The following EPM2A variants were observed in gnomAD, a reference collection of about 807,000 sequenced individuals.
EPM2A encodes laforin.
EPM2A carries 21 observed loss-of-function variants against 26.5 expected under a neutral mutation model. The observed-to-expected ratio is 0.79, with a 90% CI of 0.56 to 1.14. The LOEUF is 1.14. EPM2A is among the 50% of genes most tolerant of loss of function. EPM2A has a pLI of 0.00. For missense variants in EPM2A, 458 were observed against 440.8 expected (o/e 1.04, Z -0.35); for synonymous variants, 217 against 177.6 (o/e 1.22, Z -1.76).
chr6:145,569,146 T>C (rs915296229), intron 2 of EPM2A, among the ~76,000 whole-genome samples: 2 of 152,232 alleles, frequency 1.3e-5, no homozygotes, highest in African/African-American at 4.8e-5. Context: ...CTGTCCTGAT[T>C]CCTGCAAATT....
chr6:145,429,781 G>T (rs1405963063), intron 4 of EPM2A, among the ~76,000 whole-genome samples: 1 of 152,116 alleles, frequency 6.6e-6, no homozygotes, highest in Non-Finnish European at 1.5e-5. Flanking sequence ...TTAATTGTGA[G>T]ATTTGTTTTT....
rs1210399313 is a variant in EPM2A, at chr6:145,667,495, C to A, written c.476+18627G>T. Reference sequence around the variant, plus strand: ...ATCTCACACCAGTTAGAATGGCAATCATTAAAAAGTCAGGAAACAACAGGT... The same window carrying A: ...ATCTCACACCAGTTAGAATGGCAATAATTAAAAAGTCAGGAAACAACAGGT... On this transcript the variant is annotated intron_variant, in intron 2 of 3. Coordinates refer to ENST00000367519, the MANE Select transcript of EPM2A (RefSeq NM_005670.4). 2.0e-5 allele frequency among the ~76,000 whole-genome samples: 3 copies of A among 149,702 alleles called. No individual in the cohort carries two copies. The East Asian group carries it at 5.9e-4, about 29-fold the overall frequency.
intron 4 of EPM2A, among the ~76,000 whole-genome samples, chr6:145,458,216 C>T (rs1582770969): frequency 6.6e-6 from 1 of 152,218 alleles, no homozygotes; most frequent in African/African-American, 2.4e-5. Flanking sequence ...CACCATTCCT[C>T]AGTGCCAATC....
chr6:145,552,126 T>A (rs1324502937), intron 2 of EPM2A, among the ~76,000 whole-genome samples: 2 of 151,918 alleles, frequency 1.3e-5, no homozygotes, highest in African/African-American at 2.4e-5. Flanking sequence ...CGACAAGGGC[T>A]ATAATAATGC....
intron 4 of EPM2A, among the ~76,000 whole-genome samples, chr6:145,419,261 G>C (rs2114681961): frequency 6.8e-6 from 1 of 147,872 alleles, no homozygotes; most frequent in Admixed American, 7.0e-5. Context: ...GTTTCTAACA[G>C]AAGCGTGTTA....
chr6:145,491,222 A>T, intron 4 of EPM2A: 1 of 407,746 alleles, frequency 2.5e-6, no homozygotes, highest in Non-Finnish European at 4.7e-6. Context: ...ATGGGTAGGA[A>T]CTGGTGTGCA....
intron 1 of EPM2A, among the ~76,000 whole-genome samples, chr6:145,714,574 A>G (rs755822353): frequency 1.6e-4 from 24 of 152,238 alleles, no homozygotes; most frequent in Non-Finnish European, 2.9e-4. Context: ...CCATTTTCAC[A>G]ATGCTGATAG....
chr6:145,564,472 C>G (rs1403160518), intron 2 of EPM2A, among the ~76,000 whole-genome samples: 1 of 152,176 alleles, frequency 6.6e-6, no homozygotes, highest in African/African-American at 2.4e-5. Context: ...AACACAGAAG[C>G]AAAGTTGAGA....
intron 4 of EPM2A, among the ~76,000 whole-genome samples, chr6:145,412,079 C>T (rs953413166): frequency 1.3e-5 from 2 of 151,624 alleles, no homozygotes; most frequent in Admixed American, 6.6e-5. Flanking sequence ...TGGCCGGGTG[C>T]GGTGGCAGAC....
exon 4 of EPM2A, chr6:145,501,836 C>G (rs990911213): frequency 4.2e-6 from 2 of 470,854 alleles, no homozygotes; most frequent in Non-Finnish European, 8.8e-6. Flanking sequence ...TCCAGAATCC[C>G]AAGGCCAAAA....
intron 2 of EPM2A, among the ~76,000 whole-genome samples, chr6:145,577,370 C>CA (rs57227362): frequency 0.074 from 10,235 of 138,808 alleles, 1,174 homozygotes; most frequent in African/African-American, 0.24. Flanking sequence ...AAAATGGAAA[C>CA]AAAAAAAAAA....
intron 2 of EPM2A, among the ~76,000 whole-genome samples, chr6:145,546,323 G>C (rs962678190): frequency 2.0e-5 from 3 of 152,094 alleles, no homozygotes; most frequent in Non-Finnish European, 4.4e-5. Context: ...CCAGCTTTGG[G>C]GGAGAGAGAG....
At chr6:145,454,902 G>T (rs1779240155) in intron 4 of EPM2A, among the ~76,000 whole-genome samples, 1 of 151,820 alleles carries the variant, frequency 6.6e-6, no homozygotes, top group Admixed American at 6.6e-5. Flanking sequence ...AAATTAAATT[G>T]AATATTAATA....
At chr6:145,666,262 C>A (rs1490743231) in intron 2 of EPM2A, among the ~76,000 whole-genome samples, 1 of 99,890 alleles carries the variant, frequency 1.0e-5, no homozygotes, top group Non-Finnish European at 1.9e-5. Flanking sequence ...ATCTAGAAAA[C>A]CCCATTGTCT....
chr6:145,642,951 G>C (rs964784523), intron 2 of EPM2A, among the ~76,000 whole-genome samples: 8 of 152,320 alleles, frequency 5.3e-5, no homozygotes, highest in African/African-American at 1.9e-4. Flanking sequence ...GCTTTTAAAT[G>C]GTGACTCTGG....
At chr6:145,406,987 G>A (rs71566410) in intron 4 of EPM2A, among the ~76,000 whole-genome samples, 2,856 of 152,254 alleles carry the variant, frequency 0.019, 27 homozygotes, top group Middle Eastern at 0.031. Flanking sequence ...TAGGCTGTAA[G>A]TTCTGTGGGG....
chr6:145,393,061 C>A (rs918728295), intron 4 of EPM2A, among the ~76,000 whole-genome samples: 1 of 151,986 alleles, frequency 6.6e-6, no homozygotes, highest in African/African-American at 2.4e-5. Context: ...AGCTTTCCAA[C>A]TCATTTTTTC....
intron 2 of EPM2A, among the ~76,000 whole-genome samples, chr6:145,612,720 T>C (rs1775417853): frequency 1.4e-5 from 2 of 146,948 alleles, no homozygotes; most frequent in Non-Finnish European, 3.0e-5. Flanking sequence ...TATTTATATA[T>C]ATTATATATA....
chr6:145,422,243 G>GATATATAA (rs1778798471), intron 4 of EPM2A, among the ~76,000 whole-genome samples: 1 of 145,708 alleles, frequency 6.9e-6, no homozygotes, highest in Non-Finnish European at 1.5e-5. Flanking sequence ...TTGTATACAT[G>GATATATAA]ATATATAAAT....
Sources: allele counts gnomAD v4.1 joint callset (sites outside exome capture counted in the v4.1 genomes callset), GRCh38; gene constraint gnomAD v4.1.1; transcripts MANE v1.5; gene names NCBI Gene and HGNC (gene_info 2026-07-23, HGNC 2026-07-21).